The following FHIP1B variants were observed in gnomAD, a reference collection of about 807,000 sequenced individuals.
The protein encoded by FHIP1B is FHF complex subunit HOOK interacting protein 1B.
A neutral mutation model predicts 82.2 loss-of-function variants in FHIP1B; 28 were observed. That is an observed-to-expected ratio of 0.34 (90% confidence interval 0.25 to 0.47). The LOEUF is 0.47. Among genes scored for constraint, FHIP1B ranks in the 20% least tolerant of loss-of-function variants. The pLI is 1.00. For missense variants in FHIP1B, 1,110 were observed against 1,262.6 expected, an observed-to-expected ratio of 0.88 and a Z score of 1.83; for synonymous variants, 585 against 516.1, an observed-to-expected ratio of 1.13 and a Z score of -1.81.
chr11:6,218,298 C>T (rs1232110912), intron 8 of FHIP1B, 148 bp from the exon 9 acceptor site: 1 of 1,210,858 alleles, frequency 8.3e-7, no homozygotes, highest in Non-Finnish European at 1.1e-6. Context: ...TCCTAATTAA[C>T]CTTATCCTCA....
intron 6 of FHIP1B, 148 bp from the exon 7 acceptor site, chr11:6,219,198 C>A (rs1438575520): frequency 3.2e-6 from 2 of 624,728 alleles, no homozygotes; most frequent in African/African-American, 3.7e-5. Flanking sequence ...ATGCCTGGCA[C>A]ATAAGTCATT....
chr11:6,218,522 C>T (rs771051126), intron 8 of FHIP1B, 78 bp downstream of exon 8: 1 of 1,595,322 alleles, frequency 6.3e-7, no homozygotes, highest in Non-Finnish European at 8.6e-7. Context: ...CACCCCAGCC[C>T]CTCCTTGCTA....
At position 6,217,387 on chromosome 11, in the gene FHIP1B, T is replaced by C; in HGVS notation, c.2199A>G (p.Pro733=). 6.2e-7 allele frequency: 1 copy of C among 1,614,038 alleles called. No individual in the cohort carries two copies. Among genetic ancestry groups the C allele is most frequent in the Non-Finnish European group, 8.5e-7 (1 of 1,180,002 alleles). The part of the protein sequence containing the change: ...SSPLRTLNQL[P]SQPFTGPFMA... ...GTAGCTTACCAGTGAAGGGCTGGCTTGGCAGCTGGTTGAGAGTCCGCAAAG... is the reference window on the plus strand; with the variant it reads ...GTAGCTTACCAGTGAAGGGCTGGCTCGGCAGCTGGTTGAGAGTCCGCAAAG... Residue 733 remains proline, a synonymous_variant, in exon 9 of 12, where the codon CCA becomes CCG. Transcript: ENST00000449352.
At chr11:6,228,085 T>C (rs1847607804) in intron 1 of FHIP1B, among the ~76,000 whole-genome samples, 2 of 152,180 alleles carry the variant, frequency 1.3e-5, no homozygotes, top group Admixed American at 6.5e-5. Flanking sequence ...TGGTGGCTCA[T>C]GCCTGTAATC....
In FHIP1B at chr11:6,218,682, G is replaced by T; in HGVS notation, c.1353C>A (p.Asp451Glu). Residue 451 changes from aspartate to glutamate, a missense_variant, in exon 8 of 12, where the codon GAC (aspartate) becomes GAA (glutamate). Asp to Glu is a conservative substitution (Grantham distance 45). Around this residue, in one of 6 missense-constraint regions of FHIP1B, gnomAD observed 467 missense variants for 602.9 expected, o/e 0.77. Coordinates refer to ENST00000449352, the MANE Select transcript of FHIP1B (RefSeq NM_001098794.2). ...RDVDLYGRAADKFLSLIPRCC... is the reference protein window; with the variant it reads ...RDVDLYGRAAEKFLSLIPRCC... The stretch of plus-strand genomic sequence containing the variant: ...AGCGTGGGATTAGGGAGAGAAACTT[G>T]TCAGCTGCTCGTCCATATAGGTCCA... 6.2e-7 allele frequency: 1 copy of T among 1,614,156 alleles called. No individual in the cohort carries two copies. Among genetic ancestry groups the T allele is most frequent in the Non-Finnish European group, 8.5e-7 (1 of 1,180,030 alleles).
In FHIP1B at chr11:6,214,126, T is replaced by C. The variant is rs61876721; in HGVS notation, c.2557+285A>G. ...CTCTCAAGGCCCATGTCAAATGTCA[T>C]GTCCTTTACTAAGCTGTAATAATAT... On this transcript the variant is annotated intron_variant, in intron 11 of 11. Coordinates refer to ENST00000449352, the MANE Select transcript of FHIP1B (RefSeq NM_001098794.2). Among the ~76,000 whole-genome samples the C allele has an allele frequency of 8.4e-3, 1,266 of 150,770 alleles. 8 individuals carry two copies. Among genetic ancestry groups the C allele is most frequent in the Middle Eastern group, 0.028 (8 of 290 alleles).
intron 6 of FHIP1B, among the ~76,000 whole-genome samples, chr11:6,220,981 A>G (rs1376297786): frequency 1.3e-5 from 2 of 152,200 alleles, no homozygotes; most frequent in Non-Finnish European, 2.9e-5. Context: ...AACCCAAGGC[A>G]TCTATCATGA....
At position 6,229,708 on chromosome 11, in the gene FHIP1B, C is replaced by T. The variant is rs117454688; in HGVS notation, c.-192+4836G>A. On this transcript the variant is annotated intron_variant, in intron 1 of 11. Coordinates refer to ENST00000449352, the MANE Select transcript of FHIP1B (RefSeq NM_001098794.2). ...TGCTCATGGAACCAAGGAAGATTAG[C>T]CTCCAGGACCCTTCCTCACCCACCT... is the stretch of plus-strand genomic sequence containing the variant. 9.9e-3 allele frequency among the ~76,000 whole-genome samples: 1,509 copies of T among 152,268 alleles called. 15 individuals are homozygous for T. The highest frequency in any genetic ancestry group is 0.045 in the South Asian group (218 of 4,820).
chr11:6,221,463 C>A (rs1268417599), intron 6 of FHIP1B, among the ~76,000 whole-genome samples: 4 of 152,084 alleles, frequency 2.6e-5, no homozygotes, highest in African/African-American at 9.7e-5. Context: ...TGGAAACCAC[C>A]CACTCCCATG....
chr11:6,218,886 C>A, intron 7 of FHIP1B, 85 bp downstream of exon 7: 2 of 1,565,542 alleles, frequency 1.3e-6, no homozygotes, highest in Admixed American at 3.4e-5. Flanking sequence ...TCATGAGTAA[C>A]CCCTATATAG....
chr11:6,225,165 A>G (rs1847529864), intron 1 of FHIP1B, among the ~76,000 whole-genome samples: 2 of 152,126 alleles, frequency 1.3e-5, no homozygotes, highest in South Asian at 4.1e-4. Context: ...ACTCTCCAAT[A>G]ATTTCCTAAC....
In FHIP1B at chr11:6,223,970, G is replaced by A. The variant is rs374586791; in HGVS notation, c.417C>T (p.Ser139=). The part of the protein sequence containing the change: ...EQLKLFEMLV[S]EARQPLLRHG... Reference sequence around the variant, plus strand: ...GCCGCAACAGTGGCTGGCGAGCTTCGCTCACTAGCATTTCAAATAGTTTCA... The same window carrying A: ...GCCGCAACAGTGGCTGGCGAGCTTCACTCACTAGCATTTCAAATAGTTTCA... Residue 139 remains serine, a synonymous_variant, in exon 3 of 12, where the codon AGC becomes AGT. Transcript: ENST00000449352. The surrounding 1 kb of genome is among the most constrained non-coding windows in gnomAD (Gnocchi z 4.8). 2.1e-5 allele frequency: 34 copies of A among 1,613,930 alleles called. No individual in the cohort carries two copies. Among genetic ancestry groups the A allele is most frequent in the Non-Finnish European group, 2.5e-5 (30 of 1,180,034 alleles).
intron 8 of FHIP1B, 62 bp downstream of exon 8, chr11:6,218,538 C>G (rs1468387485): frequency 1.1e-5 from 17 of 1,606,250 alleles, no homozygotes; most frequent in Non-Finnish European, 1.4e-5. Flanking sequence ...TGCTACGCTC[C>G]CCCAGAACCT....
chr11:6,211,572 GA>G lies in FHIP1B; in HGVS notation c.2852del (p.Phe951SerfsTer39). 6.2e-7 allele frequency: 1 copy of G among 1,614,114 alleles called. No homozygotes were observed. The highest frequency in any genetic ancestry group is 8.5e-7 in the Non-Finnish European group (1 of 1,179,990). ...ISQAHAVTSP[F>X]LLETSEEGSG... ...ATCCTTCCTCTGAAGTCTCCAACAA[GA>G]AAGGCGAGGTGACGGCATGAGCCTG... is the stretch of plus-strand genomic sequence containing the variant. On this transcript the variant is annotated frameshift_variant, in exon 12 of 12. Coordinates refer to ENST00000449352, the MANE Select transcript of FHIP1B (RefSeq NM_001098794.2). LOFTEE classifies it high-confidence loss of function.
chr11:6,218,464 C>G (rs1847311760), intron 8 of FHIP1B, 136 bp downstream of exon 8: 2 of 1,371,998 alleles, frequency 1.5e-6, no homozygotes, highest in Admixed American at 2.1e-5. Context: ...ACACCCTCAT[C>G]AACCTCCCCA....
rs1189986151 is a variant in FHIP1B, at chr11:6,214,785, A to G, written c.2342T>C (p.Phe781Ser). The G allele has an allele frequency of 6.2e-7, 1 of 1,608,474 alleles. No individual in the cohort carries two copies. Among genetic ancestry groups the G allele is most frequent in the Non-Finnish European group, 8.5e-7 (1 of 1,177,464 alleles). The stretch of plus-strand genomic sequence containing the variant: ...GAAGACCATGTTGGTGTTGAGCAGG[A>G]AAGAGCGGAGCAGGGGCTGGGGGTG... ...ACHPQPLLRS[F>S]LLNTNMVFQP... The change falls in exon 10 of 12, where the codon TTC (phenylalanine) becomes TCC (serine). Residue 781 changes from phenylalanine to serine, a missense_variant. Phe to Ser is a radical substitution (Grantham distance 155). Around this residue, in one of 6 missense-constraint regions of FHIP1B, gnomAD observed 39 missense variants for 79.6 expected, o/e 0.49. Transcript: ENST00000449352.
rs747552046 is a variant in FHIP1B at position 6,211,510 on chromosome 11, G to A, written c.2915C>T (p.Pro972Leu). 3.0e-5 allele frequency: 48 copies of A among 1,590,542 alleles called. No individual in the cohort carries two copies. The South Asian group carries it at 5.4e-4, about 18-fold the overall frequency. Residue 972 changes from proline to leucine, a missense_variant, in exon 12 of 12, where the codon CCT becomes CTT. Around this residue, in one of 6 missense-constraint regions of FHIP1B, gnomAD observed 29 missense variants for 21.5 expected, o/e 1.35. Coordinates refer to ENST00000449352, the MANE Select transcript of FHIP1B (RefSeq NM_001098794.2). ...PLISGCGPLN[P>L] ...CTGATTGTCCATGGAAGAAAGTTAA[G>A]GATTGAGGGGCCCACAGCCTGAGAT... is the stretch of plus-strand genomic sequence containing the variant.
Position 6,223,611 on chromosome 11 carries a change from G to T in FHIP1B, c.776C>A (p.Pro259Gln). 6.3e-7 allele frequency: 1 copy of T among 1,579,572 alleles called. No homozygotes were observed. The highest frequency in any genetic ancestry group is 1.2e-5 in the South Asian group (1 of 85,130). The change falls in exon 3 of 12, where the codon CCG becomes CAG. Residue 259 changes from proline to glutamine, a missense_variant and splice_region_variant. Transcript: ENST00000449352. This position sits in a 1 kb window ranked among gnomAD's most constrained non-coding sequence, Gnocchi z 4.8. The part of the protein sequence containing the change: ...RYIADHSYFC[P>Q]VLATGLSALY... ...CCCTCCAAGCCAGGGGGTGCTAACC[G>T]GGCAGAAGTAAGAGTGATCCGCGAT...
At chr11:6,217,325 C>T in intron 9 of FHIP1B, 46 bp downstream of exon 9, 4 of 1,553,028 alleles carry the variant, frequency 2.6e-6, no homozygotes, top group Middle Eastern at 3.4e-4. Flanking sequence ...ATGTCGAGAA[C>T]ATGCAAAGAG....
Sources: gnomAD v4.1 joint callset for allele counts (sites outside exome capture counted in the v4.1 genomes callset) on GRCh38, gnomAD v4.1.1 for gene constraint, gnomAD v4.1.1 regional missense constraint, Gnocchi (gnomAD v3.1) non-coding constraint, MANE v1.5 for transcripts, NCBI Gene and HGNC (gene_info 2026-07-23, HGNC 2026-07-21) for gene names.